The following BABAM2 variants were observed in gnomAD, a reference collection of about 807,000 sequenced individuals.
BABAM2 encodes BRISC and BRCA1 A complex member 2.
Under a neutral mutation model 54.7 loss-of-function variants are expected in BABAM2, and 31 were observed. The observed-to-expected ratio is 0.57, with a 90% CI of 0.43 to 0.77. The LOEUF (loss-of-function observed/expected upper bound fraction) is 0.77. Ranked by LOEUF, BABAM2 falls within the 30% of genes least tolerant of loss-of-function variation. The pLI is 0.00. For synonymous variants in BABAM2, 167 were observed against 162.9 expected (o/e 1.03, Z -0.19); for missense variants, 364 against 455.8 (o/e 0.80, Z 1.83).
At chr2:28,215,046 TAGTC>T (rs569567029) in intron 7 of BABAM2, among the ~76,000 whole-genome samples, 87 of 152,264 alleles carry the variant, frequency 5.7e-4, no homozygotes, top group Non-Finnish European at 1.1e-3. Flanking sequence ...GACTAGACCT[TAGTC>T]AGTTTTCACC....
intron 7 of BABAM2, among the ~76,000 whole-genome samples, chr2:28,150,295 C>T (rs1671900461): frequency 6.6e-6 from 1 of 152,202 alleles, no homozygotes; most frequent in African/African-American, 2.4e-5. Context: ...GATTCCAAGT[C>T]TCATGTTCTA....
intron 10 of BABAM2, among the ~76,000 whole-genome samples, chr2:28,286,465 G>A (rs1686825787): frequency 6.6e-6 from 1 of 152,070 alleles, no homozygotes; most frequent in South Asian, 2.1e-4. Context: ...TTTATCCAGA[G>A]CCTCTCTGCT....
intron 6 of BABAM2, among the ~76,000 whole-genome samples, chr2:28,088,618 G>A (rs1447126544): frequency 1.3e-5 from 2 of 152,152 alleles, no homozygotes; most frequent in Non-Finnish European, 2.9e-5. Flanking sequence ...CATACCTGGG[G>A]AGCTTTAAAA....
At chr2:27,988,590 G>A (rs1173289571) in intron 4 of BABAM2, among the ~76,000 whole-genome samples, 4 of 152,050 alleles carry the variant, frequency 2.6e-5, no homozygotes, top group East Asian at 3.9e-4. Context: ...TCTTTATCAA[G>A]CAACACCAGA....
chr2:28,002,260 G>A (rs918914910), intron 4 of BABAM2, among the ~76,000 whole-genome samples: 5 of 152,030 alleles, frequency 3.3e-5, no homozygotes, highest in Admixed American at 1.3e-4. Flanking sequence ...ACCAAGTTCC[G>A]AAGAAAAGAA....
chr2:28,151,882 C>G (rs1672079719), intron 7 of BABAM2, among the ~76,000 whole-genome samples: 1 of 152,166 alleles, frequency 6.6e-6, no homozygotes, highest in Non-Finnish European at 1.5e-5. Context: ...TTTTGGTAGT[C>G]TTCACACACA....
At position 28,013,247 on chromosome 2, in the gene BABAM2, T is replaced by C. The variant is rs1280647252; in HGVS notation, c.301-11979T>C. 1.7e-5 allele frequency: 7 copies of C among 412,046 alleles called. No individual in the cohort carries two copies. The Admixed American group carries it at 1.9e-4, about 11-fold the overall frequency. 25.5% of individuals were successfully genotyped at this position (412,046 alleles called of 1,614,324 possible). A position where few individuals can be genotyped will look rare whatever the true frequency, so the allele number is the denominator to read the frequency against. ...TGAAGTATGCCACCTCCAAAGATTCTGACACCCTGGCACAAAATTGAGATG... is the reference window on the plus strand; with the variant it reads ...TGAAGTATGCCACCTCCAAAGATTCCGACACCCTGGCACAAAATTGAGATG... On this transcript the variant is annotated intron_variant, in intron 4 of 11. Transcript: ENST00000379624.
intron 7 of BABAM2, among the ~76,000 whole-genome samples, chr2:28,209,578 C>T (rs546325876): frequency 2.0e-5 from 3 of 152,306 alleles, no homozygotes; most frequent in East Asian, 1.9e-4. Context: ...TAGACTGTGA[C>T]GTATATGCTC....
chr2:28,014,025 CA>C (rs1053809122), intron 4 of BABAM2, among the ~76,000 whole-genome samples: 2 of 152,038 alleles, frequency 1.3e-5, no homozygotes, highest in African/African-American at 4.8e-5. Context: ...GTCTTAAAAA[CA>C]AAAACTGAAA....
At chr2:27,988,472 C>T (rs932149607) in intron 4 of BABAM2, among the ~76,000 whole-genome samples, 3 of 152,062 alleles carry the variant, frequency 2.0e-5, no homozygotes, top group African/African-American at 7.2e-5. Context: ...CTTGGCTCTT[C>T]AAGGAGCCGT....
At position 28,306,306 on chromosome 2, in the gene BABAM2, T is replaced by C. The variant is rs182045939; in HGVS notation, c.1088+7815T>C. 1.4e-3 allele frequency among the ~76,000 whole-genome samples: 216 copies of C among 152,352 alleles called. No individual in the cohort carries two copies. The Middle Eastern group carries it at 0.034, about 24-fold the overall frequency. The stretch of plus-strand genomic sequence containing the variant: ...GTTTTTTTATGTCTATTGTATCAGT[T>C]ATTGAAAGGAGGTATTAACATTTTC... On this transcript the variant is annotated intron_variant, in intron 11 of 11. Transcript: ENST00000379624.
chr2:27,890,721 C>T (rs1664741870), upstream of BABAM2: 1 of 157,924 alleles, frequency 6.3e-6, no homozygotes, highest in South Asian at 2.0e-4. The surrounding 1 kb of genome is among the most constrained non-coding windows in gnomAD (Gnocchi z 4.8). Context: ...CGGGGCGGGA[C>T]GTCCGGGGAG....
intron 7 of BABAM2, among the ~76,000 whole-genome samples, chr2:28,201,231 T>A (rs1678239325): frequency 6.6e-6 from 1 of 152,194 alleles, no homozygotes; most frequent in Admixed American, 6.5e-5. Context: ...GAAATTCCAG[T>A]ATGCAACATG....
At chr2:28,148,861 G>A (rs1671752406) in intron 7 of BABAM2, among the ~76,000 whole-genome samples, 1 of 152,194 alleles carries the variant, frequency 6.6e-6, no homozygotes, top group Non-Finnish European at 1.5e-5. Context: ...CACACAAAGT[G>A]CTTGCCTTTG....
chr2:28,176,985 G>A (rs1023689013), intron 7 of BABAM2, among the ~76,000 whole-genome samples: 38 of 152,140 alleles, frequency 2.5e-4, no homozygotes, highest in African/African-American at 9.2e-4. Flanking sequence ...AGAAAAGCCT[G>A]TTTAATGAAA....
chr2:28,218,319 G>A (rs1680094380), intron 7 of BABAM2, among the ~76,000 whole-genome samples: 1 of 152,146 alleles, frequency 6.6e-6, no homozygotes, highest in Non-Finnish European at 1.5e-5. Flanking sequence ...TTCTAATTGT[G>A]TCAGTTGTTT....
chr2:28,122,155 G>T (rs1379820364), intron 6 of BABAM2, among the ~76,000 whole-genome samples: 1 of 152,098 alleles, frequency 6.6e-6, no homozygotes, highest in African/African-American at 2.4e-5. Flanking sequence ...GGTGGAGCTT[G>T]CAGTGAGCCG....
intron 11 of BABAM2, among the ~76,000 whole-genome samples, chr2:28,321,461 A>G (rs1690014673): frequency 6.6e-6 from 1 of 152,208 alleles, no homozygotes; most frequent in Non-Finnish European, 1.5e-5. Context: ...ACCCAGGCCA[A>G]ACCCAAGCCA....
chr2:27,903,221 C>T (rs1222840755), intron 2 of BABAM2, among the ~76,000 whole-genome samples: 1 of 152,078 alleles, frequency 6.6e-6, no homozygotes, highest in East Asian at 1.9e-4. Flanking sequence ...GTCAGTCAGC[C>T]TCACTGTCCT....
Sources: gnomAD v4.1 joint callset for allele counts (sites outside exome capture counted in the v4.1 genomes callset) on GRCh38, gnomAD v4.1.1 for gene constraint, Gnocchi (gnomAD v3.1) non-coding constraint, MANE v1.5 for transcripts, NCBI Gene and HGNC (gene_info 2026-07-23, HGNC 2026-07-21) for gene names.